The following DENND5B variants were observed in gnomAD, a reference collection of about 807,000 sequenced individuals.
DENND5B encodes DENN domain containing 5B.
Under a neutral mutation model 140.6 loss-of-function variants are expected in DENND5B, and 34 were observed. The observed-to-expected ratio is 0.24, with a 90% CI of 0.18 to 0.32. The LOEUF is 0.32. Ranked by LOEUF, DENND5B falls within the 10% of genes least tolerant of loss-of-function variation. The pLI is 1.00. For synonymous variants in DENND5B, 551 were observed against 562.1 expected, an observed-to-expected ratio of 0.98 and a Z score of 0.28; for missense variants, 1,142 against 1,560.2, an observed-to-expected ratio of 0.73 and a Z score of 4.52.
chr12:31,480,695 A>G (rs552037425), intron 2 of DENND5B, among the ~76,000 whole-genome samples: 49 of 152,376 alleles, frequency 3.2e-4, no homozygotes, highest in Non-Finnish European at 6.3e-4. Flanking sequence ...ATAGTACTCA[A>G]GTATTTAATA....
At chr12:31,508,775 T>C (rs1261729502) in intron 1 of DENND5B, among the ~76,000 whole-genome samples, 1 of 152,170 alleles carries the variant, frequency 6.6e-6, no homozygotes, top group African/African-American at 2.4e-5. Flanking sequence ...ACCCAGATTT[T>C]AAAATAGTAT....
At chr12:31,489,230 G>T (rs569496859) in intron 2 of DENND5B, among the ~76,000 whole-genome samples, 4 of 152,210 alleles carry the variant, frequency 2.6e-5, no homozygotes, top group African/African-American at 9.6e-5. Flanking sequence ...ACTCTATGAT[G>T]TTTGCACAAT....
intron 1 of DENND5B, among the ~76,000 whole-genome samples, chr12:31,501,599 C>A (rs1947004499): frequency 1.3e-5 from 2 of 152,024 alleles, no homozygotes; most frequent in South Asian, 4.2e-4. Context: ...CATGGCAAAA[C>A]CCTGTCTCCA....
At chr12:31,566,103 C>A (rs148723366) in intron 1 of DENND5B, among the ~76,000 whole-genome samples, 1 of 152,120 alleles carries the variant, frequency 6.6e-6, no homozygotes, top group East Asian at 1.9e-4. Context: ...TGAGATCACA[C>A]CACTACAGTG....
intron 2 of DENND5B, among the ~76,000 whole-genome samples, chr12:31,485,065 A>G (rs531273489): frequency 1.3e-5 from 2 of 152,320 alleles, no homozygotes; most frequent in South Asian, 2.1e-4. Context: ...GATCCACTAC[A>G]GCTTCCTGAA....
At chr12:31,442,416 G>C (rs1026294312) in intron 7 of DENND5B, among the ~76,000 whole-genome samples, 7 of 152,142 alleles carry the variant, frequency 4.6e-5, no homozygotes, top group African/African-American at 1.7e-4. Flanking sequence ...GTGGTTCTTT[G>C]TTATAGCAGC....
chr12:31,540,233 G>C (rs1191033133), intron 1 of DENND5B, among the ~76,000 whole-genome samples: 1 of 152,156 alleles, frequency 6.6e-6, no homozygotes, highest in African/African-American at 2.4e-5. Context: ...CAAAAAACTG[G>C]AAAGACATTC....
At chr12:31,515,574 C>T (rs1212710373) in intron 1 of DENND5B, among the ~76,000 whole-genome samples, 3 of 152,226 alleles carry the variant, frequency 2.0e-5, no homozygotes, top group East Asian at 3.9e-4. Flanking sequence ...TGAGAGACTA[C>T]AGTATGTCAA....
At chr12:31,474,012 G>A (rs1272465813) in intron 3 of DENND5B, among the ~76,000 whole-genome samples, 1 of 152,208 alleles carries the variant, frequency 6.6e-6, no homozygotes, top group Non-Finnish European at 1.5e-5. Flanking sequence ...CAGTTCCAAG[G>A]AGAACTATGA....
chr12:31,418,286 T>TC (rs1162353706), intron 11 of DENND5B, among the ~76,000 whole-genome samples: 1 of 148,612 alleles, frequency 6.7e-6, no homozygotes, highest in East Asian at 2.0e-4. Flanking sequence ...TCTTTTCTTT[T>TC]TTTTTTTTTT....
At chr12:31,425,857 G>C (rs534198147) in intron 9 of DENND5B, among the ~76,000 whole-genome samples, 2 of 152,194 alleles carry the variant, frequency 1.3e-5, no homozygotes, top group Non-Finnish European at 2.9e-5. Flanking sequence ...AGAGGAGAAC[G>C]TTGTGCAATA....
chr12:31,557,360 T>C (rs781554343), intron 1 of DENND5B, among the ~76,000 whole-genome samples: 4 of 152,270 alleles, frequency 2.6e-5, no homozygotes, highest in East Asian at 1.9e-4. Context: ...TTTAAAAATA[T>C]AGTTATATTC....
At chr12:31,429,597 C>T (rs1034433081) in intron 8 of DENND5B, among the ~76,000 whole-genome samples, 15 of 151,320 alleles carry the variant, frequency 9.9e-5, no homozygotes, top group African/African-American at 2.7e-4. Flanking sequence ...TTAGTAGAGA[C>T]GGGGTTTCGC....
chr12:31,494,633 T>C (rs1039811866), intron 2 of DENND5B, among the ~76,000 whole-genome samples: 1 of 152,138 alleles, frequency 6.6e-6, no homozygotes, highest in African/African-American at 2.4e-5. Flanking sequence ...AGGATGGTCG[T>C]GGGCCAAGTC....
At chr12:31,541,752 G>A (rs118045471) in intron 1 of DENND5B, among the ~76,000 whole-genome samples, 15 of 152,284 alleles carry the variant, frequency 9.9e-5, no homozygotes, top group Middle Eastern at 3.4e-3. Context: ...GCACTTCCAC[G>A]TTTATTACAG....
chr12:31,389,530 A>G (rs1941018043), intron 19 of DENND5B, 32 bp from the exon 20 acceptor site: 1 of 1,542,564 alleles, frequency 6.5e-7, no homozygotes, highest in Non-Finnish European at 8.8e-7. Flanking sequence ...ATGTCACAAT[A>G]TGTGTCAACA....
chr12:31,490,390 TTG>T lies in DENND5B; in HGVS notation c.237+5418_237+5419del, dbSNP rs555815700. On this transcript the variant is annotated intron_variant, in intron 2 of 20. Coordinates refer to ENST00000389082, the MANE Select transcript of DENND5B (RefSeq NM_144973.4). ...ACTCTGAGAGGCCGAGGTGGGCAGA[TTG>T]CTTGAGTCCAGGAGTTCGAGAGTAG... 1.3e-4 allele frequency among the ~76,000 whole-genome samples: 20 copies of T among 152,150 alleles called. No individual in the cohort carries two copies. The South Asian group carries it at 3.9e-3, about 30-fold the overall frequency.
At chr12:31,406,617 TCAG>T (rs1269861620) in intron 14 of DENND5B, among the ~76,000 whole-genome samples, 3 of 152,194 alleles carry the variant, frequency 2.0e-5, no homozygotes, top group Admixed American at 2.0e-4. Flanking sequence ...ATGTTTAGGG[TCAG>T]CAGTTCTGTG....
intron 1 of DENND5B, among the ~76,000 whole-genome samples, chr12:31,525,818 C>T (rs1325951645): frequency 2.6e-5 from 4 of 152,012 alleles, no homozygotes. Flanking sequence ...ATGGAGAAAC[C>T]CCTTCTCTAC....
Sources: allele counts gnomAD v4.1 joint callset (sites outside exome capture counted in the v4.1 genomes callset), GRCh38; gene constraint gnomAD v4.1.1; transcripts MANE v1.5; gene names NCBI Gene and HGNC (gene_info 2026-07-23, HGNC 2026-07-21).